CADM2: variants seen among roughly 807,000 people sequenced by gnomAD.
CADM2 encodes the protein cell adhesion molecule 2.
In CADM2, 12 loss-of-function variants were observed where a neutral mutation model predicts 49.8. That is an observed-to-expected ratio of 0.24 (90% CI 0.15 to 0.39). The LOEUF (loss-of-function observed/expected upper bound fraction) is 0.39. CADM2 is among the 10% of genes least tolerant of loss of function. CADM2 has a pLI of 1.00. For missense variants in CADM2, 378 were observed against 492.3 expected (o/e 0.77, Z 2.20); for synonymous variants, 214 against 175.4 (o/e 1.22, Z -1.74).
chr3:85,131,333 G>T (rs1390801830), intron 1 of CADM2, among the ~76,000 whole-genome samples: 1 of 152,230 alleles, frequency 6.6e-6, no homozygotes, highest in Admixed American at 6.5e-5. Context: ...ATAGGACAAT[G>T]AGAATATGTA....
intron 8 of CADM2, among the ~76,000 whole-genome samples, chr3:86,031,372 A>G (rs1734540729): frequency 6.6e-6 from 1 of 151,810 alleles, no homozygotes; most frequent in South Asian, 2.1e-4. Flanking sequence ...TCTGAGCCTG[A>G]ATGTGATTAT....
At chr3:85,460,529 G>A (rs1290246607) in intron 1 of CADM2, among the ~76,000 whole-genome samples, 4 of 152,110 alleles carry the variant, frequency 2.6e-5, no homozygotes, top group African/African-American at 9.7e-5. Flanking sequence ...GAGGTATGAA[G>A]GTTATAGGCA....
At chr3:85,076,770 G>A (rs1254342812) in intron 1 of CADM2, among the ~76,000 whole-genome samples, 9 of 151,582 alleles carry the variant, frequency 5.9e-5, no homozygotes, top group South Asian at 2.1e-4. Flanking sequence ...TCAGGAGTTC[G>A]AGACCAGCCT....
At chr3:85,399,597 C>T (rs1215476687) in intron 1 of CADM2, among the ~76,000 whole-genome samples, 7 of 152,156 alleles carry the variant, frequency 4.6e-5, no homozygotes, top group Non-Finnish European at 8.8e-5. Context: ...ATTGATTCTT[C>T]CTATCCATGA....
chr3:85,054,384 A>G (rs1196938500), intron 1 of CADM2, among the ~76,000 whole-genome samples: 1 of 151,882 alleles, frequency 6.6e-6, no homozygotes, highest in Non-Finnish European at 1.5e-5. Context: ...ATGAACTGAG[A>G]AATAATTCTG....
At chr3:85,278,576 T>C (rs2043415074) in intron 1 of CADM2, among the ~76,000 whole-genome samples, 1 of 151,494 alleles carries the variant, frequency 6.6e-6, no homozygotes, top group Admixed American at 6.6e-5. Context: ...TATTATTTTA[T>C]TTCTCTTTAG....
chr3:85,987,061 A>C (rs537790744), intron 8 of CADM2, among the ~76,000 whole-genome samples: 1 of 152,208 alleles, frequency 6.6e-6, no homozygotes, highest in East Asian at 1.9e-4. Flanking sequence ...CATTTCCAAA[A>C]CTAAATTGAG....
At chr3:85,472,593 G>A (rs2038814426) in intron 1 of CADM2, among the ~76,000 whole-genome samples, 1 of 151,932 alleles carries the variant, frequency 6.6e-6, no homozygotes, top group Non-Finnish European at 1.5e-5. Flanking sequence ...ATAAATTTCA[G>A]CAATATGTTT....
intron 1 of CADM2, among the ~76,000 whole-genome samples, chr3:85,253,185 C>T (rs1468307007): frequency 6.6e-6 from 1 of 151,962 alleles, no homozygotes; most frequent in African/African-American, 2.4e-5. Flanking sequence ...CTTAGCACAG[C>T]AATACATAAC....
intron 2 of CADM2, among the ~76,000 whole-genome samples, chr3:85,779,455 G>C (rs113125865): frequency 6.6e-6 from 1 of 151,994 alleles, no homozygotes; most frequent in Non-Finnish European, 1.5e-5. Context: ...CAGCATGGTC[G>C]GGAGGCCTCA....
At chr3:85,188,828 G>C (rs2041130830) in intron 1 of CADM2, among the ~76,000 whole-genome samples, 1 of 151,728 alleles carries the variant, frequency 6.6e-6, no homozygotes, top group African/African-American at 2.4e-5. Context: ...TCAGGAGATC[G>C]AGACCATCCT....
At chr3:84,995,123 A>G (rs1384231810) in intron 1 of CADM2, among the ~76,000 whole-genome samples, 1 of 152,198 alleles carries the variant, frequency 6.6e-6, no homozygotes, top group African/African-American at 2.4e-5. Flanking sequence ...CTAAATGAAG[A>G]GTGCAAATAA....
intron 1 of CADM2, among the ~76,000 whole-genome samples, chr3:85,034,509 C>T (rs533436775): frequency 6.6e-5 from 10 of 152,236 alleles, no homozygotes; most frequent in Non-Finnish European, 1.2e-4. Context: ...CTGATGGACA[C>T]TTAGTTTGCT....
intron 3 of CADM2, among the ~76,000 whole-genome samples, chr3:85,838,716 G>C (rs2074509861): frequency 6.6e-6 from 1 of 151,634 alleles, no homozygotes; most frequent in South Asian, 2.1e-4. Context: ...ACTTCTCACT[G>C]ACTCTGTACT....
chr3:85,602,251 A>C (rs1009553209), intron 1 of CADM2, among the ~76,000 whole-genome samples: 1 of 151,786 alleles, frequency 6.6e-6, no homozygotes, highest in African/African-American at 2.4e-5. Context: ...GTGTTTGAGA[A>C]CTTAATTATC....
At chr3:85,620,622 TA>T (rs951096558) in intron 1 of CADM2, among the ~76,000 whole-genome samples, 1 of 152,094 alleles carries the variant, frequency 6.6e-6, no homozygotes, top group Non-Finnish European at 1.5e-5. Context: ...ACAGTATTTT[TA>T]AAAAATCATC....
At chr3:85,981,139 G>C (rs1055089622) in intron 8 of CADM2, among the ~76,000 whole-genome samples, 1 of 150,704 alleles carries the variant, frequency 6.6e-6, no homozygotes, top group African/African-American at 2.4e-5. Context: ...ATAGTATTTT[G>C]CTTCAGAGGA....
chr3:85,830,077 AT>A (rs2074117709), intron 3 of CADM2, among the ~76,000 whole-genome samples: 1 of 151,790 alleles, frequency 6.6e-6, no homozygotes, highest in African/African-American at 2.4e-5. Context: ...TTTTCTTTTT[AT>A]TTTTGAGGAA....
rs1280522289 is a variant in CADM2, at chr3:85,543,425, T to TGTGGGGGTGTGTGTGTGTGTGG, written c.62-183094_62-183093insGGGGTGTGTGTGTGTGTGGGTG. On this transcript the variant is annotated intron_variant, in intron 1 of 9. Transcript: ENST00000383699. ...ACCGCCACCATGCCAAGCTAATGTGTGTGTGTGTGTGTGTGTGTGTGTGTG... is the reference window on the plus strand; with the variant it reads ...ACCGCCACCATGCCAAGCTAATGTGTGTGGGGGTGTGTGTGTGTGTGGGTGTGTGTGTGTGTGTGTGTGTGTG... 4.6e-3 allele frequency among the ~76,000 whole-genome samples: 560 copies of TGTGGGGGTGTGTGTGTGTGTGG among 122,322 alleles called. 8 individuals are homozygous for TGTGGGGGTGTGTGTGTGTGTGG. The highest frequency in any genetic ancestry group is 0.037 in the South Asian group (117 of 3,158). 80.2% of individuals were successfully genotyped at this position (122,322 alleles called of 152,430 possible).
Sources: allele counts gnomAD v4.1 joint callset (sites outside exome capture counted in the v4.1 genomes callset), GRCh38; gene constraint gnomAD v4.1.1; transcripts MANE v1.5; gene names NCBI Gene and HGNC (gene_info 2026-07-23, HGNC 2026-07-21).